The following LIG3 variants were observed in gnomAD, a reference collection of about 807,000 sequenced individuals.
LIG3 encodes the protein DNA ligase 3, also known as ligase II, DNA, ATP-dependent.
In LIG3, 58 loss-of-function variants were observed where a neutral mutation model predicts 110.9. The ratio of observed to expected loss-of-function variants is 0.52; its 90% CI spans 0.42 to 0.65. The LOEUF (loss-of-function observed/expected upper bound fraction) is 0.65. Ranked by LOEUF, LIG3 falls within the 30% of genes least tolerant of loss-of-function variation. The pLI, the probability that LIG3 is intolerant of heterozygous loss-of-function variation, is 0.00. For missense variants in LIG3, 1,094 were observed against 1,273.8 expected, an observed-to-expected ratio of 0.86 and a Z score of 2.15; for synonymous variants, 422 against 472.8, an observed-to-expected ratio of 0.89 and a Z score of 1.39.
intron 9 of LIG3, among the ~76,000 whole-genome samples, chr17:34,995,412 CT>C: frequency 6.6e-6 from 1 of 152,210 alleles, no homozygotes; most frequent in Admixed American, 6.5e-5. Flanking sequence ...TCTGAGCACA[CT>C]TTTCCAGATT....
intron 5 of LIG3, 141 bp downstream of exon 5, chr17:34,991,255 TAGG>T (rs2090717770): frequency 1.1e-5 from 8 of 750,250 alleles, no homozygotes; most frequent in Non-Finnish European, 1.7e-5. Flanking sequence ...GCTTCCGTTA[TAGG>T]GGGAGCTGAA....
At chr17:35,004,228 AC>A (rs767049525) in intron 19 of LIG3, 44 bp from the exon 20 acceptor site, 2 of 1,452,218 alleles carry the variant, frequency 1.4e-6, no homozygotes, top group African/African-American at 1.4e-5. Flanking sequence ...ACCCATCTGT[AC>A]CCAGTGTAGG....
intron 9 of LIG3, among the ~76,000 whole-genome samples, chr17:34,995,387 T>G (rs2090767655): frequency 6.6e-6 from 1 of 152,218 alleles, no homozygotes; most frequent in Non-Finnish European, 1.5e-5. Flanking sequence ...ACACCATCTG[T>G]GACCCAGGAA....
In LIG3 at chr17:35,004,496, C is replaced by G; in HGVS notation, c.3020C>G (p.Ala1007Gly). The change falls in exon 20 of 20, where the codon GCT becomes GGT. Residue 1007 changes from alanine to glycine, a missense_variant. Coordinates refer to ENST00000378526, the MANE Select transcript of LIG3 (RefSeq NM_013975.4). ...WACIRKRRLVAPC is the reference protein window; with the variant it reads ...WACIRKRRLVGPC Reference sequence around the variant, plus strand: ...TGTATCCGGAAACGGAGACTGGTAGCTCCCTGCTAGGTTTGCTGTCTTCCC... The same window carrying G: ...TGTATCCGGAAACGGAGACTGGTAGGTCCCTGCTAGGTTTGCTGTCTTCCC... 1 of 1,613,476 alleles carries G rather than the reference C, an allele frequency of 6.2e-7. No homozygotes were observed. The highest frequency in any genetic ancestry group is 8.5e-7 in the Non-Finnish European group (1 of 1,179,474).
intron 19 of LIG3, chr17:35,003,333 C>T (rs1308724257): frequency 2.1e-6 from 1 of 471,770 alleles, no homozygotes; most frequent in African/African-American, 2.0e-5. Context: ...AAGTCTCGCT[C>T]TGTTGCCTAG....
At chr17:34,991,589 A>T in intron 5 of LIG3, 82 bp from the exon 6 acceptor site, 1 of 1,369,342 alleles carries the variant, frequency 7.3e-7, no homozygotes, top group Non-Finnish European at 1.0e-6. Context: ...AAATTTCTTG[A>T]TTCATCTTCA....
intron 16 of LIG3, among the ~76,000 whole-genome samples, chr17:35,001,046 A>T (rs1451406701): frequency 2.0e-5 from 3 of 151,554 alleles, no homozygotes; most frequent in African/African-American, 7.3e-5. Context: ...CTGGGACTAC[A>T]GGCGTGCACC....
chr17:34,998,543 G>C (rs2142275648), intron 13 of LIG3, 61 bp from the exon 14 acceptor site: 8 of 1,596,226 alleles, frequency 5.0e-6, no homozygotes, highest in Non-Finnish European at 6.8e-6. Flanking sequence ...CAGTGAAGGG[G>C]TGAACCCATC....
At chr17:35,003,155 C>T in intron 19 of LIG3, 1 of 1,548,802 alleles carries the variant, frequency 6.5e-7, no homozygotes, top group African/African-American at 1.4e-5. Context: ...GGGAATGCAG[C>T]ATTGAGTTTG....
rs1208843573 is a variant in LIG3, at chr17:34,991,100, C to T, written c.1027C>T (p.Arg343Trp). ...TAACTGCAACCCAGATGATATGGCA[C>T]GGGACCTAGAGCAGGTCAGAGGAAC... is the stretch of plus-strand genomic sequence containing the variant. ...IFNCNPDDMA[R>W]DLEQGDVSET... The change falls in exon 5 of 20, where the codon CGG becomes TGG. Residue 343 changes from arginine to tryptophan, a missense_variant. By Grantham distance (101) the Arg-to-Trp change is moderately radical. Coordinates refer to ENST00000378526, the MANE Select transcript of LIG3 (RefSeq NM_013975.4). 3.1e-6 allele frequency: 5 copies of T among 1,613,812 alleles called. No individual in the cohort carries two copies. Among genetic ancestry groups the T allele is most frequent in the East Asian group, 2.2e-5 (1 of 44,890 alleles).
At position 34,996,190 on chromosome 17, in the gene LIG3, C is replaced by T; in HGVS notation, c.1738C>T (p.His580Tyr). ...KPLPFGTLGVHKKAAFQDANV... is the reference protein window; with the variant it reads ...KPLPFGTLGVYKKAAFQDANV... ...ACTGCCCTTTGGGACTCTGGGAGTA[C>T]ACAAGGTACTAGCTCAGGGCCATAT... Residue 580 changes from histidine (H) to tyrosine (Y), a missense_variant, in exon 10 of 20, where the codon CAC becomes TAC. Coordinates refer to ENST00000378526, the MANE Select transcript of LIG3 (RefSeq NM_013975.4). 1 of 1,614,062 alleles carries T rather than the reference C, an allele frequency of 6.2e-7. No individual in the cohort carries two copies. The highest frequency in any genetic ancestry group is 8.5e-7 in the Non-Finnish European group (1 of 1,179,984).
rs2090902237 is a variant in LIG3, at chr17:35,007,310, T to A, written c.*2804T>A. 1 of 152,304 alleles carries A rather than the reference T, an allele frequency of 6.6e-6. No individual in the cohort carries two copies. Among genetic ancestry groups the A allele is most frequent in the African/African-American group, 2.4e-5 (1 of 41,472 alleles). The allele number at this position is 152,304 out of a possible 1,614,324, so 9.4% of individuals were successfully genotyped here. A position where few individuals can be genotyped will look rare whatever the true frequency, so the allele number is the denominator to read the frequency against. On this transcript the variant is annotated 3_prime_UTR_variant, in exon 20 of 20. Coordinates refer to ENST00000378526, the MANE Select transcript of LIG3 (RefSeq NM_013975.4). The stretch of plus-strand genomic sequence containing the variant: ...CAATGTCAGTGGTTTTTTATGTATT[T>A]TCTTCCAGTCTTTGCTGCTGAGATC...
chr17:34,996,251 T>C, intron 10 of LIG3, 56 bp downstream of exon 10: 1 of 1,583,154 alleles, frequency 6.3e-7, no homozygotes. Flanking sequence ...AGTATGTACA[T>C]GTGGGTGCAC....
intron 1 of LIG3, among the ~76,000 whole-genome samples, chr17:34,982,408 GC>G (rs2090605684): frequency 6.6e-6 from 1 of 152,148 alleles, no homozygotes; most frequent in Non-Finnish European, 1.5e-5. Context: ...ACTTTGGGAG[GC>G]CGAGGCGGGC....
At position 35,007,698 on chromosome 17, in the gene LIG3, T is replaced by C. The variant is rs899339370; in HGVS notation, c.*3192T>C. On this transcript the variant is annotated 3_prime_UTR_variant, in exon 20 of 20. Coordinates refer to ENST00000378526, the MANE Select transcript of LIG3 (RefSeq NM_013975.4). ...CTGGTCAGGGAGGTTTGTACAAGCC[T>C]GCGCACACACAGCAGTCTGTCACGA... The C allele has an allele frequency of 2.0e-5, 3 of 152,174 alleles. No homozygotes were observed. The highest frequency in any genetic ancestry group is 4.4e-5 in the Non-Finnish European group (3 of 68,070). The allele number at this position is 152,174 out of a possible 1,614,324, so 9.4% of individuals were successfully genotyped here.
intron 18 of LIG3, 75 bp downstream of exon 18, chr17:35,002,179 C>A: frequency 7.9e-7 from 1 of 1,270,844 alleles, no homozygotes; most frequent in Non-Finnish European, 1.1e-6. Context: ...GGGACCCAGT[C>A]TCACATTCCA....
rs986449106 is a variant in LIG3 at position 34,996,135 on chromosome 17, G to C, written c.1683G>C (p.Val561=). ...ACAGCATGATCTTGGATTCTGAAGTGCTTCTGATTGACAACAAGACAGGCA... is the reference window on the plus strand; with the variant it reads ...ACAGCATGATCTTGGATTCTGAAGTCCTTCTGATTGACAACAAGACAGGCA... ...GGHSMILDSE[V]LLIDNKTGKP... The change falls in exon 10 of 20, where the codon GTG becomes GTC. Residue 561 remains valine, a synonymous_variant. Transcript: ENST00000378526. 7 of 1,614,056 alleles carry C rather than the reference G, an allele frequency of 4.3e-6. No individual in the cohort carries two copies. The African/African-American group carries it at 8.0e-5, about 18-fold the overall frequency.
At position 34,991,126 on chromosome 17, in the gene LIG3, G is replaced by A. The variant is rs377292824; in HGVS notation, c.1041+12G>A. The A allele has an allele frequency of 3.7e-6, 6 of 1,613,212 alleles. No homozygotes were observed. Among genetic ancestry groups the A allele is most frequent in the African/African-American group, 1.3e-5 (1 of 74,854 alleles). On this transcript the variant is annotated intron_variant, in intron 5 of 19. Coordinates refer to ENST00000378526, the MANE Select transcript of LIG3 (RefSeq NM_013975.4). ...GGGACCTAGAGCAGGTCAGAGGAAC[G>A]GGAGGGAGGGTAGGCTACATTCCAG...
In LIG3 at chr17:34,994,322, A is replaced by G. The variant is rs775650883; in HGVS notation, c.1502A>G (p.Asn501Ser). ...GAGTATGCAATGAAGAAATGTCCCA[A>G]TGGCATGTTCTCTGAGATCAAGTAC... ...SVEYAMKKCP[N>S]GMFSEIKYDG... Residue 501 changes from asparagine to serine, a missense_variant, in exon 9 of 20, where the codon AAT becomes AGT. Transcript: ENST00000378526. 6 of 1,613,986 alleles carry G rather than the reference A, an allele frequency of 3.7e-6. No homozygotes were observed. The African/African-American group carries it at 5.3e-5, about 14-fold the overall frequency.
Sources: gnomAD v4.1 joint callset for allele counts (sites outside exome capture counted in the v4.1 genomes callset) on GRCh38, gnomAD v4.1.1 for gene constraint, MANE v1.5 for transcripts, NCBI Gene and HGNC (gene_info 2026-07-23, HGNC 2026-07-21) for gene names.